The following ARHGEF38 variants were observed in gnomAD, a reference collection of about 807,000 sequenced individuals.
ARHGEF38 encodes Rho guanine nucleotide exchange factor 38.
A neutral mutation model predicts 79.9 loss-of-function variants in ARHGEF38; 79 were observed. The ratio of observed to expected loss-of-function variants is 0.99; its 90% CI spans 0.82 to 1.19. The LOEUF (loss-of-function observed/expected upper bound fraction) is 1.19. ARHGEF38 is among the 50% of genes most tolerant of loss of function. ARHGEF38 has a pLI of 0.00. For missense variants in ARHGEF38, 962 were observed against 907.2 expected (o/e 1.06, Z -0.78); for synonymous variants, 366 against 328.3 (o/e 1.11, Z -1.24).
chr4:105,567,705 C>T (rs1725998733), intron 1 of ARHGEF38, among the ~76,000 whole-genome samples: 1 of 151,978 alleles, frequency 6.6e-6, no homozygotes, highest in Non-Finnish European at 1.5e-5. Flanking sequence ...TTAATATACA[C>T]AACACAAAGC....
intron 1 of ARHGEF38, among the ~76,000 whole-genome samples, chr4:105,583,023 T>C (rs984625773): frequency 3.3e-5 from 5 of 152,232 alleles, no homozygotes; most frequent in African/African-American, 1.2e-4. Flanking sequence ...TTATGTTCTC[T>C]ACTATAAATG....
chr4:105,593,340 G>A (rs755121448), intron 2 of ARHGEF38, among the ~76,000 whole-genome samples: 5 of 151,906 alleles, frequency 3.3e-5, no homozygotes, highest in South Asian at 2.1e-4. Context: ...CCAGGAGTTC[G>A]AGACCAGCCT....
intron 1 of ARHGEF38, among the ~76,000 whole-genome samples, chr4:105,564,431 T>C (rs1409546205): frequency 6.6e-6 from 1 of 152,142 alleles, no homozygotes; most frequent in Non-Finnish European, 1.5e-5. Flanking sequence ...ATTCTACTTA[T>C]ATGAGAGTAG....
At chr4:105,582,377 C>G (rs1206387963) in intron 1 of ARHGEF38, among the ~76,000 whole-genome samples, 1 of 151,056 alleles carries the variant, frequency 6.6e-6, no homozygotes, top group Non-Finnish European at 1.5e-5. Context: ...TGAATTTAAG[C>G]CTATAAATTT....
At chr4:105,670,099 C>T (rs991515424) in intron 13 of ARHGEF38, among the ~76,000 whole-genome samples, 13 of 152,090 alleles carry the variant, frequency 8.5e-5, no homozygotes, top group African/African-American at 2.4e-4. Flanking sequence ...TATGAATATT[C>T]GTGTGCAAGT....
intron 7 of ARHGEF38, among the ~76,000 whole-genome samples, chr4:105,650,319 C>G (rs1730046798): frequency 6.6e-6 from 1 of 152,166 alleles, no homozygotes; most frequent in African/African-American, 2.4e-5. Flanking sequence ...ATGGCTGGAA[C>G]ACAACTTTCA....
chr4:105,631,818 T>A, intron 4 of ARHGEF38: 1 of 443,676 alleles, frequency 2.3e-6, no homozygotes, highest in Non-Finnish European at 3.0e-6. Context: ...ACATGAAGCT[T>A]AAAGCCAAAA....
chr4:105,557,409 C>T (rs531684033), intron 1 of ARHGEF38, among the ~76,000 whole-genome samples: 2 of 151,996 alleles, frequency 1.3e-5, no homozygotes, highest in South Asian at 4.1e-4. Context: ...TTTCTGAAAA[C>T]CATATATGAA....
chr4:105,564,570 T>C (rs1725796215), intron 1 of ARHGEF38, among the ~76,000 whole-genome samples: 1 of 152,178 alleles, frequency 6.6e-6, no homozygotes, highest in South Asian at 2.1e-4. Flanking sequence ...GATTGCATAA[T>C]AATGTGAATG....
intron 5 of ARHGEF38, among the ~76,000 whole-genome samples, chr4:105,642,914 C>A (rs1293907899): frequency 6.6e-6 from 1 of 151,976 alleles, no homozygotes; most frequent in Non-Finnish European, 1.5e-5. Context: ...TGATTATATT[C>A]ATGTAGATAA....
intron 13 of ARHGEF38, among the ~76,000 whole-genome samples, chr4:105,672,949 A>G (rs1731003747): frequency 1.3e-5 from 2 of 152,228 alleles, no homozygotes; most frequent in South Asian, 2.1e-4. Context: ...CTTCAAAGTC[A>G]GTAGGTGAGC....
At chr4:105,570,516 G>A (rs1326589690) in intron 1 of ARHGEF38, among the ~76,000 whole-genome samples, 1 of 152,142 alleles carries the variant, frequency 6.6e-6, no homozygotes. Flanking sequence ...CACAATCATG[G>A]CAGAAGAGGA....
Position 105,613,457 on chromosome 4 carries a change from C to T in ARHGEF38, c.458C>T (p.Ser153Leu), listed in dbSNP as rs772410292. The change falls in exon 3 of 14, where the codon TCA (serine) becomes TTA (leucine). Residue 153 changes from serine to leucine, a missense_variant. Coordinates refer to ENST00000420470, the MANE Select transcript of ARHGEF38 (RefSeq NM_001242729.2). ...CATCAGATATCAGCCAAGCTGCTGT[C>T]ATTGTTGGAAGAGGCCACAACAGAC... Reference protein sequence around the residue: ...SVHQISAKLLSLLEEATTDVE... With the variant: ...SVHQISAKLLLLLEEATTDVE... 6.8e-6 allele frequency: 11 copies of T among 1,613,296 alleles called. No homozygotes were observed. Among genetic ancestry groups the T allele is most frequent in the Non-Finnish European group, 8.5e-6 (10 of 1,179,460 alleles).
chr4:105,587,022 C>A (rs116225069), intron 1 of ARHGEF38, among the ~76,000 whole-genome samples: 1 of 151,960 alleles, frequency 6.6e-6, no homozygotes, highest in Non-Finnish European at 1.5e-5. Context: ...CACTGCAGCT[C>A]CTCTCATAAG....
intron 1 of ARHGEF38, among the ~76,000 whole-genome samples, chr4:105,581,936 T>C (rs1225647070): frequency 1.3e-5 from 2 of 151,800 alleles, no homozygotes; most frequent in Admixed American, 1.3e-4. Context: ...GAGGCCGAGG[T>C]GGGTGGATCA....
chr4:105,661,204 C>G (rs1411861686), intron 10 of ARHGEF38, among the ~76,000 whole-genome samples: 2 of 152,156 alleles, frequency 1.3e-5, no homozygotes, highest in Admixed American at 1.3e-4. Context: ...TATGAATATA[C>G]CACACTTTAC....
At chr4:105,642,798 T>C (rs1479888326) in intron 5 of ARHGEF38, among the ~76,000 whole-genome samples, 1 of 152,154 alleles carries the variant, frequency 6.6e-6, no homozygotes, top group African/African-American at 2.4e-5. Flanking sequence ...TTTATTAAAG[T>C]TGAATTTATA....
At chr4:105,664,031 T>C (rs1423546070) in intron 10 of ARHGEF38, among the ~76,000 whole-genome samples, 1 of 152,140 alleles carries the variant, frequency 6.6e-6, no homozygotes, top group Non-Finnish European at 1.5e-5. Context: ...TTTTGTTTAT[T>C]TACTCATATG....
chr4:105,572,812 A>G (rs2189229), intron 1 of ARHGEF38, among the ~76,000 whole-genome samples: 143,563 of 152,236 alleles, frequency 0.94, 67,825 homozygotes, highest in East Asian at 1. Flanking sequence ...GGTTGCTTCC[A>G]TGCTTTAGCT....
Sources: gnomAD v4.1 joint callset for allele counts (sites outside exome capture counted in the v4.1 genomes callset) on GRCh38, gnomAD v4.1.1 for gene constraint, MANE v1.5 for transcripts, NCBI Gene and HGNC (gene_info 2026-07-23, HGNC 2026-07-21) for gene names.